ACSM1: variants seen among roughly 807,000 people sequenced by gnomAD.
ACSM1 encodes acyl-coenzyme A synthetase ACSM1, mitochondrial.
A neutral mutation model predicts 75.8 loss-of-function variants in ACSM1; 79 were observed. That is an observed-to-expected ratio of 1.04 (90% CI 0.87 to 1.26). The LOEUF is 1.26. Among genes scored for constraint, ACSM1 ranks in the 50% most tolerant of loss-of-function variants. The pLI, the probability that ACSM1 is intolerant of heterozygous loss-of-function variation, is 0.00. For synonymous variants in ACSM1, 279 were observed against 265.8 expected (o/e 1.05, Z -0.48); for missense variants, 676 against 720.1 (o/e 0.94, Z 0.70).
rs556320271 is a variant in ACSM1, at chr16:20,687,863, C to T, written c.193-2460G>A. 5.9e-5 allele frequency among the ~76,000 whole-genome samples: 9 copies of T among 152,242 alleles called. No homozygotes were observed. In the South Asian group the frequency reaches 1.4e-3, roughly 25 times the overall value. On this transcript the variant is annotated intron_variant, in intron 2 of 13. Coordinates refer to ENST00000520010, the MANE Select transcript of ACSM1 (RefSeq NM_001318890.3). ...CTTTGGGAGGCCGAGGCTACCGGAT[C>T]ACTTGAGGTCAGGAGTTTGAGACCA...
intron 7 of ACSM1, among the ~76,000 whole-genome samples, chr16:20,650,371 A>T (rs2018581226): frequency 6.6e-6 from 1 of 152,136 alleles, no homozygotes; most frequent in Admixed American, 6.6e-5. Flanking sequence ...CCCCTGGGTG[A>T]TCAGGGGACT....
At chr16:20,655,441 T>G (rs2018906415) in intron 7 of ACSM1, among the ~76,000 whole-genome samples, 1 of 151,932 alleles carries the variant, frequency 6.6e-6, no homozygotes, top group Non-Finnish European at 1.5e-5. Context: ...GAGGGATATT[T>G]AAGATAAAAC....
rs556146219 is a variant in ACSM1 at position 20,656,073 on chromosome 16, G to A, written c.992+5721C>T. On this transcript the variant is annotated intron_variant, in intron 7 of 13. Transcript: ENST00000520010. The stretch of plus-strand genomic sequence containing the variant: ...TCTGTTGAAAAGGCTTTGAAGGACG[G>A]CTCTTTCCTTCACCTTTTGTTGGCT... Among the ~76,000 whole-genome samples, 4 of 152,212 alleles carry A rather than the reference G, an allele frequency of 2.6e-5. No homozygotes were observed. In the East Asian group the frequency reaches 5.8e-4, roughly 22 times the overall value.
chr16:20,686,969 A>G lies in ACSM1; in HGVS notation c.193-1566T>C, dbSNP rs1249003795. Among the ~76,000 whole-genome samples the G allele has an allele frequency of 1.1e-4, 16 of 148,184 alleles. No homozygotes were observed. The East Asian group carries it at 3.4e-3, about 31-fold the overall frequency. ...AAAAGCCATACTCAAAATGGTAGAA[A>G]ATTTTGTGATTTTTTTTTTTTTTTT... On this transcript the variant is annotated intron_variant, in intron 2 of 13. Coordinates refer to ENST00000520010, the MANE Select transcript of ACSM1 (RefSeq NM_001318890.3).
chr16:20,692,357 G>A (rs1199238743), intron 1 of ACSM1, among the ~76,000 whole-genome samples: 1 of 152,072 alleles, frequency 6.6e-6, no homozygotes, highest in African/African-American at 2.4e-5. Context: ...CAGAAAGGTG[G>A]GAAAACCTAA....
At chr16:20,659,610 A>G (rs1473432435) in intron 7 of ACSM1, among the ~76,000 whole-genome samples, 1 of 152,178 alleles carries the variant, frequency 6.6e-6, no homozygotes, top group Non-Finnish European at 1.5e-5. Flanking sequence ...TCTCCGCCAT[A>G]TCTTGAAATT....
intron 10 of ACSM1, among the ~76,000 whole-genome samples, chr16:20,633,973 C>T (rs1264254623): frequency 1.3e-5 from 2 of 152,128 alleles, no homozygotes; most frequent in Non-Finnish European, 2.9e-5. Flanking sequence ...ACTTCCTGAC[C>T]TCAAAACTTA....
chr16:20,632,260 T>C lies in ACSM1; in HGVS notation c.1299+4479A>G, dbSNP rs184946249. Among the ~76,000 whole-genome samples the C allele has an allele frequency of 7.9e-5, 12 of 152,004 alleles. No homozygotes were observed. The East Asian group carries it at 2.3e-3, about 29-fold the overall frequency. On this transcript the variant is annotated intron_variant, in intron 10 of 13. Transcript: ENST00000520010. Reference sequence around the variant, plus strand: ...GAGTTCATATAAATAAAATGGCAAATAGAAAAACAACAAAGAAAACTTAAT... The same window carrying C: ...GAGTTCATATAAATAAAATGGCAAACAGAAAAACAACAAAGAAAACTTAAT...
In ACSM1 at chr16:20,637,417, A is replaced by G; in HGVS notation, c.1151T>C (p.Ile384Thr). The G allele has an allele frequency of 6.2e-7, 1 of 1,614,058 alleles. No homozygotes were observed. The highest frequency in any genetic ancestry group is 8.5e-7 in the Non-Finnish European group (1 of 1,179,998). Residue 384 changes from isoleucine to threonine, a missense_variant, in exon 9 of 14, where the codon ATC becomes ACC. Physicochemically the swap from Ile to Thr is moderately conservative, Grantham distance 89. Transcript: ENST00000520010. ...GGCCTTCCCCATGAAACCCGGCTTG[A>G]TCTTCATTCCCCAGTAGGTGGCACA... ...LICATYWGMK[I>T]KPGFMGKATP... is the part of the protein sequence containing the mutation.
intron 7 of ACSM1, among the ~76,000 whole-genome samples, chr16:20,641,004 T>C (rs1376960756): frequency 1.3e-5 from 2 of 152,134 alleles, no homozygotes; most frequent in Non-Finnish European, 1.5e-5. Context: ...TTTATGGAGC[T>C]TACACTACGC....
rs756257037 is a variant in ACSM1 at position 20,623,483 on chromosome 16, C to G, written c.*3G>C. 3 of 1,613,896 alleles carry G rather than the reference C, an allele frequency of 1.9e-6. No homozygotes were observed. The highest frequency in any genetic ancestry group is 1.3e-5 in the African/African-American group (1 of 75,014). On this transcript the variant is annotated 3_prime_UTR_variant, in exon 14 of 14. Transcript: ENST00000520010. ...GTGCAGTGCGTTCTGAGTTCACTGC[C>G]GATTACATCTGACCAGTCTCCTTTT...
chr16:20,677,185 C>T (rs1282094562), intron 4 of ACSM1, among the ~76,000 whole-genome samples: 1 of 151,534 alleles, frequency 6.6e-6, no homozygotes, highest in East Asian at 1.9e-4. Flanking sequence ...GAAAGAGCCC[C>T]TCCTCTAGGA....
At chr16:20,647,029 T>A (rs1596834637) in intron 7 of ACSM1, among the ~76,000 whole-genome samples, 1 of 152,220 alleles carries the variant, frequency 6.6e-6, no homozygotes, top group Non-Finnish European at 1.5e-5. Context: ...GGACCCAAAC[T>A]GAAGGTTTGA....
intron 7 of ACSM1, among the ~76,000 whole-genome samples, chr16:20,655,444 G>A (rs2018906750): frequency 6.6e-6 from 1 of 151,818 alleles, no homozygotes; most frequent in Admixed American, 6.6e-5. Flanking sequence ...GGATATTTAA[G>A]ATAAAACAGT....
chr16:20,685,531 C>A, intron 2 of ACSM1, 128 bp from the exon 3 acceptor site: 1 of 886,596 alleles, frequency 1.1e-6, no homozygotes, highest in Non-Finnish European at 1.8e-6. Context: ...CATTTTAAAA[C>A]ATTTATACAG....
chr16:20,677,322 G>A (rs1034942057), intron 4 of ACSM1, among the ~76,000 whole-genome samples: 2 of 152,070 alleles, frequency 1.3e-5, no homozygotes, highest in Non-Finnish European at 2.9e-5. Context: ...AAGTGAAAGG[G>A]AGGCCATGAA....
chr16:20,625,385 C>T, intron 12 of ACSM1, 38 bp downstream of exon 12: 3 of 1,594,356 alleles, frequency 1.9e-6, no homozygotes, highest in Non-Finnish European at 2.6e-6. Context: ...TTTCCTAGTG[C>T]CCACGCACAG....
rs200908529 is a variant in ACSM1, at chr16:20,629,947, G to A, written c.1300-2631C>T. ...TCAGATATTGCAGTGAGCTGAAATC[G>A]CACCACTGCACTGCAGCCTGGAAAC... On this transcript the variant is annotated intron_variant, in intron 10 of 13. Transcript: ENST00000520010. Among the ~76,000 whole-genome samples the A allele has an allele frequency of 4.3e-5, 6 of 140,336 alleles. No homozygotes were observed. The East Asian group carries it at 6.3e-4, about 15-fold the overall frequency. 92.1% of individuals were successfully genotyped at this position (140,336 alleles called of 152,430 possible). A position where few individuals can be genotyped will look rare whatever the true frequency, so the allele number is the denominator to read the frequency against.
chr16:20,655,511 TA>T lies in ACSM1; in HGVS notation c.992+6282del, dbSNP rs199919962. On this transcript the variant is annotated intron_variant, in intron 7 of 13. Coordinates refer to ENST00000520010, the MANE Select transcript of ACSM1 (RefSeq NM_001318890.3). Reference sequence around the variant, plus strand: ...TAATAACATTAATAAAATAAATTTTTAAAGGAGTTGTGTAATTTAGTTGTCT... The same window carrying T: ...TAATAACATTAATAAAATAAATTTTTAAGGAGTTGTGTAATTTAGTTGTCT... 6.2e-3 allele frequency among the ~76,000 whole-genome samples: 944 copies of T among 152,270 alleles called. 15 individuals carry two copies. The highest frequency in any genetic ancestry group is 0.032 in the South Asian group (155 of 4,824).
Sources: gnomAD v4.1 joint callset for allele counts (sites outside exome capture counted in the v4.1 genomes callset) on GRCh38, gnomAD v4.1.1 for gene constraint, MANE v1.5 for transcripts, NCBI Gene and HGNC (gene_info 2026-07-23, HGNC 2026-07-21) for gene names.